Variants in USP37 observed in about 807,000 individuals in gnomAD.
USP37 encodes the protein ubiquitin carboxyl-terminal hydrolase 37.
USP37 carries 27 observed loss-of-function variants against 124.0 expected under a neutral mutation model. That is an observed-to-expected ratio of 0.22 (90% CI 0.16 to 0.30). The LOEUF is 0.30. Ranked by LOEUF, USP37 falls within the 10% of genes least tolerant of loss-of-function variation. The probability of loss-of-function intolerance (pLI) is 1.00; values close to 1 mark genes in which losing one functional copy is unlikely to be tolerated. For missense variants in USP37, 889 were observed against 1,140.4 expected, an observed-to-expected ratio of 0.78 and a Z score of 3.17; for synonymous variants, 365 against 388.0, an observed-to-expected ratio of 0.94 and a Z score of 0.70.
At chr2:218,467,358 T>TCTATC (rs1553538435) in intron 20 of USP37, among the ~76,000 whole-genome samples, 1 of 141,240 alleles carries the variant, frequency 7.1e-6, no homozygotes, top group African/African-American at 2.6e-5. Flanking sequence ...TATCTATCTA[T>TCTATC]TTTTTTTTGA....
chr2:218,518,711 A>C (rs2106011587), intron 10 of USP37, among the ~76,000 whole-genome samples: 1 of 152,328 alleles, frequency 6.6e-6, no homozygotes, highest in South Asian at 2.1e-4. Flanking sequence ...GAATCTTCTG[A>C]ATCATTTTTC....
chr2:218,487,089 C>T (rs951128205), intron 15 of USP37, among the ~76,000 whole-genome samples: 9 of 152,000 alleles, frequency 5.9e-5, no homozygotes, highest in Non-Finnish European at 1.3e-4. Flanking sequence ...CAACAAGGAC[C>T]GCTACTAGAC....
intron 5 of USP37, among the ~76,000 whole-genome samples, chr2:218,551,719 T>C (rs977728178): frequency 9.2e-5 from 14 of 152,208 alleles, no homozygotes; most frequent in African/African-American, 3.4e-4. Flanking sequence ...ATGGGTAAGA[T>C]GAAATAAAAC....
intron 10 of USP37, chr2:218,528,717 A>G (rs1691122873): frequency 2.2e-6 from 1 of 445,790 alleles, no homozygotes; most frequent in East Asian, 3.5e-5. Context: ...ATTTAAAACC[A>G]TCAACCCTTC....
chr2:218,493,914 C>T lies in USP37; in HGVS notation c.1472+1846G>A, dbSNP rs118009880. ...TCCTATAAAAAAAATTTGAATGGTA[C>T]GCCCATAATTCAATGAAATAATAAC... On this transcript the variant is annotated intron_variant, in intron 14 of 25. Coordinates refer to ENST00000258399, the MANE Select transcript of USP37 (RefSeq NM_020935.3). Among the ~76,000 whole-genome samples the T allele has an allele frequency of 7.4e-3, 1,130 of 152,272 alleles. 32 individuals carry two copies. Among genetic ancestry groups the T allele is most frequent in the East Asian group, 0.055 (283 of 5,184 alleles).
intron 20 of USP37, among the ~76,000 whole-genome samples, chr2:218,472,549 C>T (rs1690753199): frequency 1.3e-5 from 2 of 152,204 alleles, no homozygotes; most frequent in East Asian, 1.9e-4. Flanking sequence ...CTGCAACCTC[C>T]TCCACCTCCT....
intron 11 of USP37, among the ~76,000 whole-genome samples, chr2:218,505,929 T>C (rs115995117): frequency 3.0e-4 from 45 of 150,984 alleles, no homozygotes; most frequent in African/African-American, 1.1e-3. Flanking sequence ...CAGTGGACTA[T>C]CATGGTTCAC....
intron 10 of USP37, among the ~76,000 whole-genome samples, chr2:218,522,933 G>A (rs2106016371): frequency 6.6e-6 from 1 of 152,234 alleles, no homozygotes; most frequent in South Asian, 2.1e-4. Context: ...GAGGTCAGGA[G>A]TTTGACACCA....
intron 8 of USP37, among the ~76,000 whole-genome samples, chr2:218,544,428 T>TAAAGAGAGAG (rs1241793062): frequency 2.0e-5 from 1 of 50,062 alleles, no homozygotes; most frequent in African/African-American, 1.2e-4. Flanking sequence ...TATATATATA[T>TAAAGAGAGAG]ATAGAGAGAG....
At position 218,529,941 on chromosome 2, in the gene USP37, A is replaced by G; in HGVS notation, c.863+15T>C. On this transcript the variant is annotated intron_variant, in intron 10 of 25. Transcript: ENST00000258399. Reference sequence around the variant, plus strand: ...AACTCCTAAGTTTTTCACAAGTAATATAACCAATGCATACCTGTCTAAGTT... The same window carrying G: ...AACTCCTAAGTTTTTCACAAGTAATGTAACCAATGCATACCTGTCTAAGTT... The G allele has an allele frequency of 3.8e-6, 6 of 1,583,380 alleles. No individual in the cohort carries two copies. The highest frequency in any genetic ancestry group is 5.1e-6 in the Non-Finnish European group (6 of 1,168,764).
chr2:218,484,001 A>C (rs1691402240), intron 16 of USP37, among the ~76,000 whole-genome samples: 1 of 152,062 alleles, frequency 6.6e-6, no homozygotes, highest in African/African-American at 2.4e-5. Context: ...TCTACCAAAA[A>C]CACAAAAATT....
intron 14 of USP37, among the ~76,000 whole-genome samples, chr2:218,489,843 TA>T (rs936538374): frequency 6.6e-6 from 1 of 152,212 alleles, no homozygotes; most frequent in African/African-American, 2.4e-5. Context: ...GAACCTTTTA[TA>T]ATGGGATTAT....
intron 6 of USP37, among the ~76,000 whole-genome samples, chr2:218,547,982 T>C (rs1179295306): frequency 6.6e-6 from 1 of 152,254 alleles, no homozygotes; most frequent in Non-Finnish European, 1.5e-5. Context: ...ATAGAAGTTA[T>C]GTCCTATTAC....
intron 10 of USP37, among the ~76,000 whole-genome samples, chr2:218,523,001 C>A (rs35362395): frequency 5.9e-5 from 9 of 151,608 alleles, no homozygotes; most frequent in African/African-American, 2.2e-4. Context: ...TGGAGCTGGG[C>A]GCGGTGGCTT....
chr2:218,509,900 T>C, intron 11 of USP37, 79 bp downstream of exon 11: 1 of 1,332,490 alleles, frequency 7.5e-7, no homozygotes. Context: ...TGTGACTCCT[T>C]TAATTACATT....
intron 9 of USP37, among the ~76,000 whole-genome samples, chr2:218,531,737 A>G (rs1691338153): frequency 6.6e-6 from 1 of 152,224 alleles, no homozygotes; most frequent in Admixed American, 6.5e-5. Flanking sequence ...AGCAACCATA[A>G]CAGGAGTTTG....
chr2:218,551,232 C>T (rs1405387689), intron 5 of USP37, among the ~76,000 whole-genome samples: 1 of 152,108 alleles, frequency 6.6e-6, no homozygotes, highest in African/African-American at 2.4e-5. Flanking sequence ...TATTTTTATT[C>T]ATTATTTTGC....
intron 20 of USP37, among the ~76,000 whole-genome samples, chr2:218,466,678 G>C (rs140911034): frequency 6.6e-6 from 1 of 152,256 alleles, no homozygotes; most frequent in African/African-American, 2.4e-5. Flanking sequence ...TATTTTTAGA[G>C]CAAATGAAGT....
chr2:218,469,629 A>T (rs189610312), intron 20 of USP37, among the ~76,000 whole-genome samples: 1 of 152,262 alleles, frequency 6.6e-6, no homozygotes, highest in African/African-American at 2.4e-5. Flanking sequence ...TGTGTTAGAA[A>T]GGAGATCAAG....
Sources: gnomAD v4.1 joint callset for allele counts (sites outside exome capture counted in the v4.1 genomes callset) on GRCh38, gnomAD v4.1.1 for gene constraint, MANE v1.5 for transcripts, NCBI Gene and HGNC (gene_info 2026-07-23, HGNC 2026-07-21) for gene names.